Variants in UBE3C observed in about 807,000 individuals in gnomAD.
The protein encoded by UBE3C is ubiquitin-protein ligase E3C.
In UBE3C, 42 loss-of-function variants were observed where a neutral mutation model predicts 129.4. That is an observed-to-expected ratio of 0.32 (90% CI 0.25 to 0.42). The LOEUF (loss-of-function observed/expected upper bound fraction) is 0.42. UBE3C is among the 10% of genes least tolerant of loss of function. UBE3C has a pLI of 1.00. For missense variants in UBE3C, 1,049 were observed against 1,319.1 expected (o/e 0.80, Z 3.17); for synonymous variants, 510 against 492.4 (o/e 1.04, Z -0.47).
intron 10 of UBE3C, chr7:157,198,060 T>C: frequency 6.2e-7 from 1 of 1,609,766 alleles, no homozygotes. Context: ...CAGGGGGATC[T>C]CTCCTCTTTT....
intron 9 of UBE3C, 127 bp from the exon 10 acceptor site, chr7:157,186,707 A>G: frequency 7.7e-6 from 8 of 1,042,086 alleles, no homozygotes; most frequent in Non-Finnish European, 1.1e-5. Flanking sequence ...ACTGTGATGT[A>G]GATAATTTTG....
intron 5 of UBE3C, among the ~76,000 whole-genome samples, chr7:157,178,337 G>A (rs1394345953): frequency 6.6e-6 from 1 of 152,152 alleles, no homozygotes; most frequent in Non-Finnish European, 1.5e-5. Flanking sequence ...AAAGAGATTC[G>A]TATCTGAGTT....
At position 157,225,319 on chromosome 7, in the gene UBE3C, C is replaced by A. The variant is rs879166086; in HGVS notation, c.2101-88C>A. The A allele has an allele frequency of 2.5e-5, 36 of 1,455,406 alleles. No homozygotes were observed. The South Asian group carries it at 5.0e-4, about 20-fold the overall frequency. The allele number at this position is 1,455,406 out of a possible 1,614,324, so 90.2% of individuals were successfully genotyped here. ...ATTTATTTCAGAATTTATGAAGATA[C>A]AAAAGATAAGATTTAGCAGTTTATT... On this transcript the variant is annotated intron_variant, in intron 16 of 22. Transcript: ENST00000348165.
chr7:157,207,015 A>G (rs1053750675), intron 11 of UBE3C, among the ~76,000 whole-genome samples: 8 of 152,336 alleles, frequency 5.3e-5, no homozygotes, highest in East Asian at 1.9e-4. Flanking sequence ...TTTATTAAAT[A>G]TGTTGAGTAG....
intron 15 of UBE3C, chr7:157,222,653 G>A (rs1795769816): frequency 6.6e-6 from 1 of 152,258 alleles, no homozygotes; most frequent in African/African-American, 2.4e-5. Context: ...AAACTCCTGA[G>A]CTCAAGGGAT....
At chr7:157,179,551 A>C (rs984721423) in intron 6 of UBE3C, among the ~76,000 whole-genome samples, 1 of 152,170 alleles carries the variant, frequency 6.6e-6, no homozygotes, top group Non-Finnish European at 1.5e-5. Context: ...CCTAACACAA[A>C]AGAACCTTTG....
chr7:157,228,902 A>G (rs759358330), intron 17 of UBE3C, among the ~76,000 whole-genome samples: 11 of 152,226 alleles, frequency 7.2e-5, no homozygotes, highest in East Asian at 1.9e-4. Context: ...GTACATAGCA[A>G]TCTAGGGATA....
intron 18 of UBE3C, among the ~76,000 whole-genome samples, chr7:157,246,815 C>T (rs187523720): frequency 3.3e-5 from 5 of 152,160 alleles, no homozygotes; most frequent in Admixed American, 2.0e-4. Flanking sequence ...TCCACACCCC[C>T]GGGGGTAATT....
intron 15 of UBE3C, 67 bp downstream of exon 15, chr7:157,220,843 C>T (rs1369063539): frequency 2.0e-6 from 3 of 1,525,822 alleles, no homozygotes; most frequent in Admixed American, 3.6e-5. Context: ...CTCCTTTAAT[C>T]TACAGATCTG....
At chr7:157,175,086 C>T (rs1306914020) in intron 5 of UBE3C, 52 bp downstream of exon 5, 5 of 1,201,452 alleles carry the variant, frequency 4.2e-6, no homozygotes, top group Non-Finnish European at 4.5e-6. Flanking sequence ...ATCACCTTGT[C>T]TAGGGGAACA....
chr7:157,214,638 C>T (rs1809685559), intron 13 of UBE3C, among the ~76,000 whole-genome samples: 1 of 152,086 alleles, frequency 6.6e-6, no homozygotes, highest in African/African-American at 2.4e-5. Context: ...ATGGAAAGAC[C>T]AGACACGAAC....
intron 22 of UBE3C, among the ~76,000 whole-genome samples, chr7:157,258,461 C>T (rs574213095): frequency 1.5e-4 from 23 of 151,704 alleles, no homozygotes; most frequent in Admixed American, 5.9e-4. Context: ...TTGTTTGTTT[C>T]TTTGTTTTTG....
chr7:157,165,844 A>G (rs1808198556), intron 2 of UBE3C, among the ~76,000 whole-genome samples: 1 of 152,108 alleles, frequency 6.6e-6, no homozygotes, highest in South Asian at 2.1e-4. Context: ...TTTAAACTCC[A>G]GTAATTGGAT....
intron 19 of UBE3C, among the ~76,000 whole-genome samples, chr7:157,251,575 A>C (rs943418665): frequency 3.3e-5 from 5 of 152,126 alleles, no homozygotes; most frequent in African/African-American, 1.2e-4. Flanking sequence ...GAGCTAATGG[A>C]AGTAGGTCAT....
At chr7:157,186,204 A>C (rs894318953) in intron 9 of UBE3C, among the ~76,000 whole-genome samples, 1 of 152,092 alleles carries the variant, frequency 6.6e-6, no homozygotes, top group Admixed American at 6.6e-5. Context: ...CAGCTGGATC[A>C]TTTGAGGTTA....
intron 10 of UBE3C, among the ~76,000 whole-genome samples, chr7:157,196,871 A>C (rs1381071921): frequency 6.6e-6 from 1 of 152,206 alleles, no homozygotes; most frequent in Non-Finnish European, 1.5e-5. Flanking sequence ...CGGGAGGCTG[A>C]GGCAGGAGAA....
intron 17 of UBE3C, among the ~76,000 whole-genome samples, chr7:157,227,830 C>T (rs1795921970): frequency 6.6e-6 from 1 of 152,176 alleles, no homozygotes; most frequent in African/African-American, 2.4e-5. Flanking sequence ...CACCCACCTC[C>T]CTAGGGGCAT....
At chr7:157,257,683 G>A (rs1186598293) in intron 22 of UBE3C, among the ~76,000 whole-genome samples, 2 of 140,264 alleles carry the variant, frequency 1.4e-5, no homozygotes, top group East Asian at 4.3e-4. Flanking sequence ...GTTGCAGTGA[G>A]CCGAGATCGC....
intron 9 of UBE3C, among the ~76,000 whole-genome samples, chr7:157,185,989 T>A (rs370700020): frequency 1.9e-4 from 29 of 152,116 alleles, no homozygotes; most frequent in Admixed American, 1.1e-3. Flanking sequence ...TATATACACA[T>A]ACATATGAAA....
Sources: allele counts gnomAD v4.1 joint callset (sites outside exome capture counted in the v4.1 genomes callset), GRCh38; gene constraint gnomAD v4.1.1; transcripts MANE v1.5; gene names NCBI Gene and HGNC (gene_info 2026-07-23, HGNC 2026-07-21).